DSCAM: variants seen among roughly 807,000 people sequenced by gnomAD.
The protein encoded by DSCAM is DS cell adhesion molecule.
Under a neutral mutation model 217.7 loss-of-function variants are expected in DSCAM, and 47 were observed. The observed-to-expected ratio is 0.22, with a 90% CI of 0.17 to 0.28. DSCAM has a LOEUF of 0.28. Among genes scored for constraint, DSCAM ranks in the 10% least tolerant of loss-of-function variants. The pLI, the probability that DSCAM is intolerant of heterozygous loss-of-function variation, is 1.00. For missense variants in DSCAM, 2,080 were observed against 2,618.3 expected (o/e 0.79, Z 4.49); for synonymous variants, 1,056 against 1,015.3 (o/e 1.04, Z -0.76).
intron 3 of DSCAM, among the ~76,000 whole-genome samples, chr21:40,412,544 T>G (rs2075332721): frequency 6.6e-6 from 1 of 152,222 alleles, no homozygotes; most frequent in South Asian, 2.1e-4. Context: ...GCCCCTGCCC[T>G]AGAGATCTGT....
intron 10 of DSCAM, among the ~76,000 whole-genome samples, chr21:40,294,323 A>G (rs779669899): frequency 2.0e-5 from 3 of 152,252 alleles, no homozygotes; most frequent in Non-Finnish European, 2.9e-5. Context: ...GTCTGTTAAC[A>G]TAAGATAAAA....
chr21:40,280,665 A>G (rs547603968), intron 10 of DSCAM, among the ~76,000 whole-genome samples: 2 of 152,338 alleles, frequency 1.3e-5, no homozygotes, highest in Admixed American at 6.5e-5. Flanking sequence ...ACCTTCAGAG[A>G]GATTACGGAC....
At chr21:40,770,250 C>G (rs1048057600) in intron 1 of DSCAM, among the ~76,000 whole-genome samples, 3 of 152,156 alleles carry the variant, frequency 2.0e-5, no homozygotes, top group African/African-American at 7.2e-5. Context: ...TCCTTAAATT[C>G]TTTTAGTTTC....
At chr21:40,168,967 T>C (rs2090626581) in intron 15 of DSCAM, among the ~76,000 whole-genome samples, 1 of 152,160 alleles carries the variant, frequency 6.6e-6, no homozygotes, top group South Asian at 2.1e-4. Context: ...AACAATGTGC[T>C]CAGTAAATAT....
chr21:40,301,769 G>A (rs114755761), intron 9 of DSCAM, among the ~76,000 whole-genome samples: 4 of 152,340 alleles, frequency 2.6e-5, no homozygotes, highest in African/African-American at 7.2e-5. Context: ...AAGGACACAT[G>A]AATCAATGAA....
intron 3 of DSCAM, among the ~76,000 whole-genome samples, chr21:40,470,297 G>T (rs1423254815): frequency 6.6e-6 from 1 of 152,198 alleles, no homozygotes; most frequent in Non-Finnish European, 1.5e-5. Context: ...CTGCCTTGCA[G>T]GAAAAAGCTA....
chr21:40,161,649 T>G (rs1290903416), intron 16 of DSCAM, among the ~76,000 whole-genome samples: 1 of 152,186 alleles, frequency 6.6e-6, no homozygotes, highest in African/African-American at 2.4e-5. Context: ...TTTTTTTTTC[T>G]TTTCTTGTTA....
At chr21:40,382,614 T>C (rs552965142) in intron 3 of DSCAM, among the ~76,000 whole-genome samples, 1 of 152,342 alleles carries the variant, frequency 6.6e-6, no homozygotes, top group Admixed American at 6.5e-5. Flanking sequence ...TGCAAATATG[T>C]ATACTTACAA....
Position 40,326,002 on chromosome 21 carries a change from A to G in DSCAM, c.1783+12099T>C, listed in dbSNP as rs529841364. Among the ~76,000 whole-genome samples, 132 of 152,286 alleles carry G rather than the reference A, an allele frequency of 8.7e-4. 1 individual carries two copies. The highest frequency in any genetic ancestry group is 3.1e-3 in the African/African-American group (129 of 41,560). On this transcript the variant is annotated intron_variant, in intron 8 of 32. Coordinates refer to ENST00000400454, the MANE Select transcript of DSCAM (RefSeq NM_001389.5). The stretch of plus-strand genomic sequence containing the variant: ...TGGGTGGGGGGCAAACTAAGCATTC[A>G]CTTTTGTGCTGTTATTGTATATATT...
chr21:40,797,598 C>T (rs1255068443), intron 1 of DSCAM, among the ~76,000 whole-genome samples: 1 of 152,140 alleles, frequency 6.6e-6, no homozygotes, highest in Non-Finnish European at 1.5e-5. Context: ...GCAAAATGTA[C>T]ATTTTAAATG....
At chr21:40,587,927 G>C (rs565749784) in intron 3 of DSCAM, among the ~76,000 whole-genome samples, 48 of 152,102 alleles carry the variant, frequency 3.2e-4, no homozygotes, top group Non-Finnish European at 6.3e-4. Flanking sequence ...TTTGATTCTT[G>C]AGCACAAAGA....
chr21:40,419,851 A>G (rs888879719), intron 3 of DSCAM, among the ~76,000 whole-genome samples: 1 of 152,158 alleles, frequency 6.6e-6, no homozygotes, highest in Non-Finnish European at 1.5e-5. Context: ...AAAAATTAAA[A>G]TTATATAAAA....
intron 32 of DSCAM, among the ~76,000 whole-genome samples, chr21:40,032,839 G>A (rs2088553558): frequency 6.6e-6 from 1 of 152,148 alleles, no homozygotes; most frequent in African/African-American, 2.4e-5. Context: ...AACCTTGTTA[G>A]AAATTGATGA....
intron 20 of DSCAM, among the ~76,000 whole-genome samples, chr21:40,101,848 T>C (rs906561048): frequency 1.3e-5 from 2 of 152,070 alleles, no homozygotes; most frequent in African/African-American, 4.8e-5. Flanking sequence ...ATAAGGGATG[T>C]TGGCGAGAGT....
chr21:40,368,385 T>C lies in DSCAM; in HGVS notation c.655+714A>G, dbSNP rs141062214. Among the ~76,000 whole-genome samples the C allele has an allele frequency of 1.3e-4, 20 of 152,304 alleles. No individual in the cohort carries two copies. The East Asian group carries it at 3.7e-3, about 28-fold the overall frequency. Reference sequence around the variant, plus strand: ...AGCAAGGGAGAAAATAGCAATTGACTTGTAAAAGAACAGATAAAGAAACAA... The same window carrying C: ...AGCAAGGGAGAAAATAGCAATTGACCTGTAAAAGAACAGATAAAGAAACAA... On this transcript the variant is annotated intron_variant, in intron 4 of 32. Transcript: ENST00000400454.
chr21:40,438,977 T>G (rs1472041047), intron 3 of DSCAM, among the ~76,000 whole-genome samples: 2 of 152,174 alleles, frequency 1.3e-5, no homozygotes, highest in African/African-American at 4.8e-5. Flanking sequence ...TTCAATAATT[T>G]TTCAGCAGAT....
intron 14 of DSCAM, among the ~76,000 whole-genome samples, chr21:40,186,284 T>C (rs1246935809): frequency 1.3e-5 from 2 of 152,116 alleles, no homozygotes; most frequent in African/African-American, 4.8e-5. Context: ...AGATATTAGA[T>C]GGGTCACAAC....
intron 21 of DSCAM, among the ~76,000 whole-genome samples, chr21:40,092,024 G>A (rs2089617117): frequency 6.6e-6 from 1 of 152,212 alleles, no homozygotes; most frequent in African/African-American, 2.4e-5. Context: ...GGGTCAGGGA[G>A]TGAACACATC....
chr21:40,154,181 C>T (rs2090452685), intron 16 of DSCAM, among the ~76,000 whole-genome samples: 1 of 137,950 alleles, frequency 7.2e-6, no homozygotes, highest in Non-Finnish European at 1.6e-5. Flanking sequence ...CTCCTTTCTT[C>T]TTCCTTCCTT....
Sources: gnomAD v4.1 joint callset for allele counts (sites outside exome capture counted in the v4.1 genomes callset) on GRCh38, gnomAD v4.1.1 for gene constraint, MANE v1.5 for transcripts, NCBI Gene and HGNC (gene_info 2026-07-23, HGNC 2026-07-21) for gene names.